Variants in ABCA6 observed in about 807,000 individuals in gnomAD.
ABCA6 encodes ATP binding cassette subfamily A member 6, also known as ATP-binding cassette sub-family A member 6.
Under a neutral mutation model 191.2 loss-of-function variants are expected in ABCA6, and 164 were observed. That is an observed-to-expected ratio of 0.86 (90% CI 0.76 to 0.98). The LOEUF (loss-of-function observed/expected upper bound fraction) is 0.98, where lower values mean the gene tolerates loss of function less well. ABCA6 is among the 50% of genes least tolerant of loss of function. The pLI is 0.00. For missense variants in ABCA6, 1,958 were observed against 1,894.1 expected (o/e 1.03, Z -0.63); for synonymous variants, 636 against 647.7 (o/e 0.98, Z 0.27).
At chr17:69,137,071 A>C (rs916277327) in intron 3 of ABCA6, among the ~76,000 whole-genome samples, 3 of 152,188 alleles carry the variant, frequency 2.0e-5, no homozygotes, top group Non-Finnish European at 4.4e-5. Flanking sequence ...GTTATATTCC[A>C]GTAGAAATAT....
chr17:69,110,639 A>G (rs368188982), intron 17 of ABCA6, 162 bp downstream of exon 17: 75 of 751,694 alleles, frequency 1.0e-4, no homozygotes, highest in African/African-American at 9.6e-4. Context: ...CGAAGCAACT[A>G]CCCAATAAAT....
chr17:69,087,620 T>G, intron 28 of ABCA6, 147 bp from the exon 29 acceptor site: 1 of 1,106,580 alleles, frequency 9.0e-7, no homozygotes, highest in Non-Finnish European at 1.3e-6. Context: ...GCTTCTGCTT[T>G]TGCCAAGAAC....
At chr17:69,111,989 T>C (rs893755591) in intron 16 of ABCA6, 194 bp downstream of exon 16, 8 of 517,108 alleles carry the variant, frequency 1.5e-5, no homozygotes, top group African/African-American at 9.8e-5. Context: ...TGGTTTATCA[T>C]GTTGAAATGT....
intron 19 of ABCA6, 58 bp downstream of exon 19, chr17:69,105,970 G>C (rs1223937340): frequency 6.7e-7 from 1 of 1,496,858 alleles, no homozygotes; most frequent in Non-Finnish European, 9.0e-7. Context: ...ATTATCTTCT[G>C]GTTTGAACCT....
At chr17:69,083,186 A>G (rs2072683827) in intron 35 of ABCA6, 26 bp downstream of exon 35, 1 of 1,572,706 alleles carries the variant, frequency 6.4e-7, no homozygotes, top group South Asian at 1.2e-5. Flanking sequence ...TTGAGCATCA[A>G]ATGCAGGCTT....
At position 69,089,514 on chromosome 17, in the gene ABCA6, G is replaced by C. The variant is rs758078882; in HGVS notation, c.3557C>G (p.Pro1186Arg). Residue 1186 changes from proline (P) to arginine (R), a missense_variant, in exon 27 of 39, where the codon CCA becomes CGA. Transcript: ENST00000284425. ...VRDQEHYREF[P>R]EANFELSATD... ...GGCACTCAATTCAAAATTTGCCTCT[G>C]GAAATTCTCTGTAGTGCTCCTGGTC... The C allele has an allele frequency of 3.1e-6, 5 of 1,613,238 alleles. No homozygotes were observed. The African/African-American group carries it at 6.7e-5, about 22-fold the overall frequency.
rs2072748458 is a variant in ABCA6 at position 69,085,128 on chromosome 17, C to G, written c.4084G>C (p.Glu1362Gln). ...VLGHLGYCPQ[E>Q]NVLWPMLTLR... ...GTCAGCATGGGCCACAGCACGTTCTCTTGAGGGCAGTACCCCAGGTGGCCC... is the reference window on the plus strand; with the variant it reads ...GTCAGCATGGGCCACAGCACGTTCTGTTGAGGGCAGTACCCCAGGTGGCCC... Residue 1362 changes from glutamate (E) to glutamine (Q), a missense_variant, in exon 32 of 39, where the codon GAG becomes CAG. By Grantham distance (29) the Glu-to-Gln change is conservative. Transcript: ENST00000284425. The G allele has an allele frequency of 6.2e-7, 1 of 1,612,978 alleles. No homozygotes were observed. The highest frequency in any genetic ancestry group is 1.3e-5 in the African/African-American group (1 of 74,898).
chr17:69,131,707 A>T (rs1169529827), intron 6 of ABCA6, among the ~76,000 whole-genome samples: 2 of 152,210 alleles, frequency 1.3e-5, no homozygotes, highest in Non-Finnish European at 2.9e-5. Flanking sequence ...AACATTTCAG[A>T]ATCTTTTTTC....
chr17:69,095,321 G>A (rs948849700), intron 25 of ABCA6: 2 of 167,410 alleles, frequency 1.2e-5, no homozygotes, highest in African/African-American at 4.8e-5. Context: ...TCTTTCTGTA[G>A]CCTCTGTACT....
chr17:69,081,045 T>C lies in ABCA6; in HGVS notation c.4696+21A>G, dbSNP rs150963698. 3.4e-5 allele frequency: 49 copies of C among 1,452,314 alleles called. No individual in the cohort carries two copies. In the African/African-American group the frequency reaches 6.4e-4, roughly 19 times the overall value. The allele number at this position is 1,452,314 out of a possible 1,614,324, so 90.0% of individuals were successfully genotyped here. On this transcript the variant is annotated intron_variant, in intron 37 of 38. Transcript: ENST00000284425. Reference sequence around the variant, plus strand: ...ATTAGTTGATTCTTCAAAAGATTTATTTGAATGTGGTCACTCTTACCTGCT... The same window carrying C: ...ATTAGTTGATTCTTCAAAAGATTTACTTGAATGTGGTCACTCTTACCTGCT...
In ABCA6 at chr17:69,100,805, A is replaced by G; in HGVS notation, c.3004T>C (p.Phe1002Leu). 6.2e-7 allele frequency: 1 copy of G among 1,608,842 alleles called. No homozygotes were observed. The highest frequency in any genetic ancestry group is 1.1e-5 in the South Asian group (1 of 89,572). The change falls in exon 22 of 39, where the codon TTT (phenylalanine) becomes CTT (leucine). Residue 1002 changes from phenylalanine to leucine, a missense_variant. By Grantham distance (22) the Phe-to-Leu change is conservative. Coordinates refer to ENST00000284425, the MANE Select transcript of ABCA6 (RefSeq NM_080284.3). ...GTAAATCCAATACTTACAAGAGGAA[A>G]TGGGCTTGACTCAATTCGAATATGT... is the stretch of plus-strand genomic sequence containing the variant. Reference protein sequence around the residue: ...TQHIRIESSPFPLSHIGLWTG... With the variant: ...TQHIRIESSPLPLSHIGLWTG...
At chr17:69,140,791 G>T in intron 1 of ABCA6, 43 bp from the exon 2 acceptor site, 2 of 716,994 alleles carry the variant, frequency 2.8e-6, no homozygotes, top group Non-Finnish European at 4.3e-6. Flanking sequence ...TGATCATAGT[G>T]TTGAGGAAAA....
At position 69,088,185 on chromosome 17, in the gene ABCA6, C is replaced by T. The variant is rs768418765; in HGVS notation, c.3680G>A (p.Arg1227Gln). Reference sequence around the variant, plus strand: ...CCCCAACCTGAAAACAGGATCTTTTCGCATTCTTTTCTTTCCACATTTTAG... The same window carrying T: ...CCCCAACCTGAAAACAGGATCTTTTTGCATTCTTTTCTTTCCACATTTTAG... ...MELKCGKKRM[R>Q]KDPVFRISPQ... is the part of the protein sequence containing the mutation. The change falls in exon 28 of 39, where the codon CGA (arginine) becomes CAA (glutamine). Residue 1227 changes from arginine to glutamine, a missense_variant. Transcript: ENST00000284425. The T allele has an allele frequency of 4.7e-5, 76 of 1,611,430 alleles. 1 individual carries two copies. The South Asian group carries it at 6.8e-4, about 14-fold the overall frequency.
At chr17:69,133,606 T>C in intron 6 of ABCA6, 35 bp downstream of exon 6, 1 of 1,418,676 alleles carries the variant, frequency 7.0e-7, no homozygotes, top group Non-Finnish European at 9.7e-7. Context: ...AATTTTCCTG[T>C]TTATTAATTT....
chr17:69,124,503 A>G (rs898208139), intron 9 of ABCA6, among the ~76,000 whole-genome samples: 2 of 152,018 alleles, frequency 1.3e-5, no homozygotes, highest in African/African-American at 2.4e-5. Context: ...GCTCTTCCAC[A>G]GTATAATGGC....
At position 69,129,699 on chromosome 17, in the gene ABCA6, C is replaced by G. The variant is rs4968839; in HGVS notation, c.844G>C (p.Val282Leu). 6.2e-7 allele frequency: 1 copy of G among 1,603,192 alleles called. No homozygotes were observed. Among genetic ancestry groups the G allele is most frequent in the Non-Finnish European group, 8.5e-7 (1 of 1,171,472 alleles). ...TGGGTGAATGTTATGATAATTGTAA[C>G]GAATATGGAAATAATAAAGATGAAG... ...AGFIFIISIF[V>L]TIIITFTQII... The change falls in exon 7 of 39, where the codon GTT becomes CTT. Residue 282 changes from valine to leucine, a missense_variant. By Grantham distance (32) the Val-to-Leu change is conservative. Coordinates refer to ENST00000284425, the MANE Select transcript of ABCA6 (RefSeq NM_080284.3).
Position 69,102,827 on chromosome 17 carries a change from A to C in ABCA6, c.2874+8T>G, listed in dbSNP as rs778284270. 1.9e-6 allele frequency: 3 copies of C among 1,571,054 alleles called. No homozygotes were observed. Among genetic ancestry groups the C allele is most frequent in the Non-Finnish European group, 2.6e-6 (3 of 1,166,996 alleles). On this transcript the variant is annotated splice_region_variant and intron_variant, in intron 21 of 38. Transcript: ENST00000284425. Reference sequence around the variant, plus strand: ...GTTTTTTTCATAAAAGCAAAAAGGCAAACATACCTTTTGTTTACCAGAAAC... The same window carrying C: ...GTTTTTTTCATAAAAGCAAAAAGGCCAACATACCTTTTGTTTACCAGAAAC...
chr17:69,096,192 G>C (rs754391873), intron 25 of ABCA6, 48 bp downstream of exon 25: 1 of 944,192 alleles, frequency 1.1e-6, no homozygotes, highest in African/African-American at 1.7e-5. Flanking sequence ...TACATTAGAA[G>C]TTTAAAAAAT....
rs2072846623 is a variant in ABCA6 at position 69,088,162 on chromosome 17, C to G, written c.3698+5G>C. ...ATTAAGTATAAAGTTAAATTTCACC[C>G]CAACCTGAAAACAGGATCTTTTCGC... On this transcript the variant is annotated splice_donor_5th_base_variant and intron_variant, in intron 28 of 38. Coordinates refer to ENST00000284425, the MANE Select transcript of ABCA6 (RefSeq NM_080284.3). The G allele has an allele frequency of 6.2e-7, 1 of 1,607,372 alleles. No individual in the cohort carries two copies. The highest frequency in any genetic ancestry group is 8.5e-7 in the Non-Finnish European group (1 of 1,176,416).
Sources: gnomAD v4.1 joint callset for allele counts (sites outside exome capture counted in the v4.1 genomes callset) on GRCh38, gnomAD v4.1.1 for gene constraint, MANE v1.5 for transcripts, NCBI Gene and HGNC (gene_info 2026-07-23, HGNC 2026-07-21) for gene names.